Variants in TADA2A observed in about 807,000 individuals in gnomAD.
TADA2A encodes the protein transcriptional adaptor 2A.
In TADA2A, 38 loss-of-function variants were observed where a neutral mutation model predicts 67.4. The observed-to-expected ratio is 0.56, with a 90% CI of 0.44 to 0.74. TADA2A has a LOEUF of 0.74. TADA2A is among the 30% of genes least tolerant of loss of function. The probability of loss-of-function intolerance (pLI) is 0.00; values close to 1 mark genes in which losing one functional copy is unlikely to be tolerated. For missense variants in TADA2A, 454 were observed against 547.0 expected, an observed-to-expected ratio of 0.83 and a Z score of 1.70; for synonymous variants, 192 against 181.6, an observed-to-expected ratio of 1.06 and a Z score of -0.46.
At chr17:37,412,299 T>TG (rs1448345324) in intron 2 of TADA2A, among the ~76,000 whole-genome samples, 2 of 151,430 alleles carry the variant, frequency 1.3e-5, no homozygotes, top group Non-Finnish European at 2.9e-5. Context: ...AGAAAAGCCA[T>TG]GGGATTTCTG....
intron 8 of TADA2A, among the ~76,000 whole-genome samples, chr17:37,453,580 C>T (rs1178226869): frequency 6.6e-6 from 1 of 152,114 alleles, no homozygotes; most frequent in Non-Finnish European, 1.5e-5. Flanking sequence ...CAGTTTAAAA[C>T]TTACTGTAGT....
intron 8 of TADA2A, among the ~76,000 whole-genome samples, chr17:37,449,310 C>T (rs949146359): frequency 4.0e-4 from 61 of 152,272 alleles, no homozygotes; most frequent in African/African-American, 1.4e-3. Context: ...CGTGAGCCAC[C>T]GTGCCCGGCC....
intron 8 of TADA2A, among the ~76,000 whole-genome samples, chr17:37,449,623 T>A (rs1234221774): frequency 1.3e-5 from 2 of 148,626 alleles, no homozygotes; most frequent in South Asian, 2.1e-4. Context: ...ATCTTGATTT[T>A]TTTTTTTTTT....
At chr17:37,468,517 A>G (rs1201403695) in intron 12 of TADA2A, among the ~76,000 whole-genome samples, 2 of 151,910 alleles carry the variant, frequency 1.3e-5, no homozygotes, top group Non-Finnish European at 2.9e-5. Flanking sequence ...ATTCTATCCA[A>G]ATTTATTTTT....
chr17:37,465,064 C>G (rs1021326059), intron 10 of TADA2A, among the ~76,000 whole-genome samples: 4 of 150,020 alleles, frequency 2.7e-5, no homozygotes, highest in African/African-American at 9.8e-5. Context: ...AGGAGAATTG[C>G]TTGAATCCAG....
chr17:37,463,268 G>T (rs1312828131), intron 10 of TADA2A, among the ~76,000 whole-genome samples: 2 of 152,070 alleles, frequency 1.3e-5, no homozygotes, highest in Non-Finnish European at 2.9e-5. Flanking sequence ...TAAAATATTT[G>T]TAATAGTTGT....
At chr17:37,461,925 C>A in intron 9 of TADA2A, 153 bp from the exon 10 acceptor site, 1 of 596,608 alleles carries the variant, frequency 1.7e-6, no homozygotes. Flanking sequence ...TAGTGATTCA[C>A]TGACCTGCAG....
rs1050687874 is a variant in TADA2A, at chr17:37,423,755, T to C, written c.132+140T>C. 3.4e-5 allele frequency: 15 copies of C among 438,776 alleles called. No individual in the cohort carries two copies. In the Admixed American group the frequency reaches 7.0e-4, roughly 20 times the overall value. 27.2% of individuals were successfully genotyped at this position (438,776 alleles called of 1,614,324 possible). On this transcript the variant is annotated intron_variant, in intron 3 of 15. Coordinates refer to ENST00000615182, the MANE Select transcript of TADA2A (RefSeq NM_001166105.3). ...CTTCCAATTTTTCTTTTTCTTTCTTTTTTTTTTTTTTTGAGATGGAGTCTC... is the reference window on the plus strand; with the variant it reads ...CTTCCAATTTTTCTTTTTCTTTCTTCTTTTTTTTTTTTGAGATGGAGTCTC...
intron 8 of TADA2A, among the ~76,000 whole-genome samples, chr17:37,446,087 GT>G (rs1178704173): frequency 7.0e-4 from 86 of 122,096 alleles, no homozygotes; most frequent in South Asian, 3.3e-3. Flanking sequence ...TGAGCGGTGG[GT>G]TTTTTTTTGG....
chr17:37,471,499 T>C (rs1568186143), intron 14 of TADA2A, among the ~76,000 whole-genome samples: 1 of 152,186 alleles, frequency 6.6e-6, no homozygotes, highest in East Asian at 1.9e-4. Flanking sequence ...TTTATTTTAT[T>C]ATTTTTTATT....
At chr17:37,459,883 T>C (rs1312878173) in intron 9 of TADA2A, among the ~76,000 whole-genome samples, 2 of 149,090 alleles carry the variant, frequency 1.3e-5, no homozygotes, top group Non-Finnish European at 3.0e-5. Flanking sequence ...CTGACCAACA[T>C]GGTGAAACCC....
chr17:37,463,110 G>A (rs2053585453), intron 10 of TADA2A, among the ~76,000 whole-genome samples: 1 of 151,878 alleles, frequency 6.6e-6, no homozygotes, highest in Admixed American at 6.6e-5. Context: ...TTACAGGCTC[G>A]AGCTATCGTG....
intron 12 of TADA2A, among the ~76,000 whole-genome samples, chr17:37,467,990 A>G (rs1303552686): frequency 6.6e-6 from 1 of 152,104 alleles, no homozygotes; most frequent in Non-Finnish European, 1.5e-5. Context: ...GCTGAGGCAC[A>G]AGAATCGCTT....
intron 1 of TADA2A, among the ~76,000 whole-genome samples, chr17:37,409,154 C>T (rs1156477460): frequency 3.9e-5 from 6 of 152,086 alleles, no homozygotes; most frequent in Non-Finnish European, 8.8e-5. Context: ...GGCACAATCT[C>T]GGCTCACTGC....
chr17:37,447,378 C>G (rs1270597265), intron 8 of TADA2A, among the ~76,000 whole-genome samples: 1 of 152,180 alleles, frequency 6.6e-6, no homozygotes, highest in African/African-American at 2.4e-5. Flanking sequence ...TGGTCTCAAA[C>G]TCTTGGCCTC....
chr17:37,411,462 G>T, intron 2 of TADA2A, 72 bp downstream of exon 2: 1 of 1,416,698 alleles, frequency 7.1e-7, no homozygotes, highest in South Asian at 1.2e-5. Flanking sequence ...TCCCTCTGTT[G>T]CCCAGGCTGG....
chr17:37,430,357 A>T (rs73284461), intron 4 of TADA2A, among the ~76,000 whole-genome samples: 25 of 152,280 alleles, frequency 1.6e-4, no homozygotes, highest in African/African-American at 5.8e-4. Flanking sequence ...TATAGGCATG[A>T]TGACCAAATT....
chr17:37,407,667 C>CA (rs2051642555), intron 1 of TADA2A, among the ~76,000 whole-genome samples: 1 of 151,626 alleles, frequency 6.6e-6, no homozygotes, highest in African/African-American at 2.4e-5. Flanking sequence ...TACTGCAGTG[C>CA]AGTGGCACGA....
Position 37,442,697 on chromosome 17 carries a change from T to C in TADA2A, c.531+45T>C, listed in dbSNP as rs780104404. 49 of 1,571,232 alleles carry C rather than the reference T, an allele frequency of 3.1e-5. No individual in the cohort carries two copies. The East Asian group carries it at 1.0e-3, about 33-fold the overall frequency. Reference sequence around the variant, plus strand: ...AGCACAAAGTAGGAAAAATTCATTTTTGTTTCTCATGAGCCTTCTGTCTCA... The same window carrying C: ...AGCACAAAGTAGGAAAAATTCATTTCTGTTTCTCATGAGCCTTCTGTCTCA... On this transcript the variant is annotated intron_variant, in intron 7 of 15. Coordinates refer to ENST00000615182, the MANE Select transcript of TADA2A (RefSeq NM_001166105.3).
Sources: allele counts gnomAD v4.1 joint callset (sites outside exome capture counted in the v4.1 genomes callset), GRCh38; gene constraint gnomAD v4.1.1; transcripts MANE v1.5; gene names NCBI Gene and HGNC (gene_info 2026-07-23, HGNC 2026-07-21).